FAF1: variants seen among roughly 807,000 people sequenced by gnomAD.
FAF1 encodes FAS-associated factor 1.
In FAF1, 25 loss-of-function variants were observed where a neutral mutation model predicts 92.5. That is an observed-to-expected ratio of 0.27 (90% CI 0.20 to 0.38). FAF1 has a LOEUF of 0.38. Among genes scored for constraint, FAF1 ranks in the 10% least tolerant of loss-of-function variants. FAF1 has a pLI of 1.00. For missense variants in FAF1, 636 were observed against 793.3 expected, an observed-to-expected ratio of 0.80 and a Z score of 2.38; for synonymous variants, 234 against 273.2, an observed-to-expected ratio of 0.86 and a Z score of 1.42.
intron 1 of FAF1, among the ~76,000 whole-genome samples, chr1:50,927,948 A>G (rs775919370): frequency 2.6e-5 from 4 of 152,066 alleles, no homozygotes; most frequent in Non-Finnish European, 5.9e-5. Context: ...GGATGTGTTC[A>G]TGTTGTGCAA....
Position 50,468,378 on chromosome 1 carries a change from C to T in FAF1, c.1869+7086G>A, listed in dbSNP as rs577670403. On this transcript the variant is annotated intron_variant, in intron 18 of 18. Coordinates refer to ENST00000396153, the MANE Select transcript of FAF1 (RefSeq NM_007051.3). ...TAGGATCTTGGCTCACTGCAACCTC[C>T]GCCTCCCAGGTTCAAGCAATTCTCG... Among the ~76,000 whole-genome samples, 26 of 152,022 alleles carry T rather than the reference C, an allele frequency of 1.7e-4. No homozygotes were observed. The East Asian group carries it at 2.3e-3, about 14-fold the overall frequency.
chr1:50,825,423 T>C (rs1188341099), intron 2 of FAF1, among the ~76,000 whole-genome samples: 3 of 151,930 alleles, frequency 2.0e-5, no homozygotes, highest in Admixed American at 6.6e-5. Context: ...ATACAAGACA[T>C]AGGACTTTTA....
intron 2 of FAF1, among the ~76,000 whole-genome samples, chr1:50,825,275 T>C (rs1031469760): frequency 1.3e-5 from 2 of 152,058 alleles, no homozygotes; most frequent in African/African-American, 4.8e-5. Context: ...CAAAAATATT[T>C]CTGAGACAAA....
rs1479839195 is a variant in FAF1 at position 50,850,732 on chromosome 1, TTAAAGA to T, written c.114+7191_114+7196del. Among the ~76,000 whole-genome samples the T allele has an allele frequency of 1.3e-4, 20 of 152,240 alleles. No individual in the cohort carries two copies. In the East Asian group the frequency reaches 3.5e-3, roughly 26 times the overall value. On this transcript the variant is annotated intron_variant, in intron 2 of 18. Transcript: ENST00000396153. ...ATGAACACTTTAATTAATATTTTACTTAAAGATAGAGAAGTATAACTAGAAATTTTA... is the reference window on the plus strand; with the variant it reads ...ATGAACACTTTAATTAATATTTTACTTAGAGAAGTATAACTAGAAATTTTA...
intron 2 of FAF1, among the ~76,000 whole-genome samples, chr1:50,828,309 C>G (rs1196928201): frequency 6.6e-6 from 1 of 150,790 alleles, no homozygotes; most frequent in South Asian, 2.1e-4. Flanking sequence ...CAGTCTGTCA[C>G]CCAGGCTGGA....
chr1:50,749,762 C>G (rs992123939), intron 4 of FAF1, among the ~76,000 whole-genome samples: 3 of 151,506 alleles, frequency 2.0e-5, no homozygotes, highest in African/African-American at 7.3e-5. Context: ...GCACTCTATC[C>G]TGGATGACAG....
chr1:50,462,581 T>A (rs558801647), intron 18 of FAF1, among the ~76,000 whole-genome samples: 1 of 152,294 alleles, frequency 6.6e-6, no homozygotes, highest in East Asian at 1.9e-4. Flanking sequence ...CTAGGCAGTG[T>A]GGGAAAGTGG....
At chr1:50,730,810 A>C (rs1379281236) in intron 6 of FAF1, among the ~76,000 whole-genome samples, 1 of 152,020 alleles carries the variant, frequency 6.6e-6, no homozygotes, top group Non-Finnish European at 1.5e-5. Flanking sequence ...TTTGCTCTTG[A>C]ACTTCCCTTA....
chr1:50,829,487 G>A (rs1046236633), intron 2 of FAF1, among the ~76,000 whole-genome samples: 1 of 152,168 alleles, frequency 6.6e-6, no homozygotes, highest in African/African-American at 2.4e-5. Context: ...TCTCATTAGA[G>A]TCTAACCTCA....
At chr1:50,848,875 A>G (rs1459079731) in intron 2 of FAF1, among the ~76,000 whole-genome samples, 2 of 152,212 alleles carry the variant, frequency 1.3e-5, no homozygotes, top group Non-Finnish European at 1.5e-5. Context: ...AACTAAATGT[A>G]TTGTAGACAT....
At chr1:50,745,066 T>A (rs1659535723) in intron 4 of FAF1, among the ~76,000 whole-genome samples, 1 of 152,168 alleles carries the variant, frequency 6.6e-6, no homozygotes, top group Non-Finnish European at 1.5e-5. Flanking sequence ...GGTGGGCAGA[T>A]CACCTGAGAC....
chr1:50,750,146 A>G (rs1659796546), intron 4 of FAF1, among the ~76,000 whole-genome samples: 1 of 152,054 alleles, frequency 6.6e-6, no homozygotes. Flanking sequence ...TGTCTACCTA[A>G]CTCCAAAGAT....
chr1:50,576,031 T>G (rs1650717021), intron 12 of FAF1, among the ~76,000 whole-genome samples: 1 of 152,188 alleles, frequency 6.6e-6, no homozygotes, highest in Admixed American at 6.5e-5. Context: ...GTGGTAGAAA[T>G]GTTCATGGGG....
chr1:50,563,575 G>C (rs762880656), intron 13 of FAF1, among the ~76,000 whole-genome samples: 4 of 152,040 alleles, frequency 2.6e-5, no homozygotes, highest in South Asian at 4.1e-4. Flanking sequence ...CTCCAATTTA[G>C]ATATGCAATA....
At chr1:50,457,667 T>C (rs1646370290) in intron 18 of FAF1, among the ~76,000 whole-genome samples, 1 of 140,358 alleles carries the variant, frequency 7.1e-6, no homozygotes, top group Non-Finnish European at 1.5e-5. Context: ...GCAGGCAGAC[T>C]GCTTGAGGTC....
chr1:50,645,235 G>A (rs1654527789), intron 8 of FAF1, among the ~76,000 whole-genome samples: 1 of 152,194 alleles, frequency 6.6e-6, no homozygotes, highest in Non-Finnish European at 1.5e-5. Flanking sequence ...GAATCTGTCT[G>A]CCCTAGGACA....
intron 9 of FAF1, among the ~76,000 whole-genome samples, chr1:50,586,421 C>T (rs1445869333): frequency 6.6e-6 from 1 of 152,110 alleles, no homozygotes; most frequent in Non-Finnish European, 1.5e-5. Context: ...AGATGTTTCT[C>T]ATTTGACTTA....
chr1:50,454,162 G>C lies in FAF1; in HGVS notation c.1870-12639C>G, dbSNP rs183600075. 3.5e-4 allele frequency among the ~76,000 whole-genome samples: 53 copies of C among 152,276 alleles called. 4 individuals carry two copies. The highest frequency in any genetic ancestry group is 1.3e-3 in the African/African-American group (52 of 41,558). The stretch of plus-strand genomic sequence containing the variant: ...AATCTGGGTCTAAATTTTCGAACAG[G>C]GGGTAGGGGCTTGGCCCCAACATTG... On this transcript the variant is annotated intron_variant, in intron 18 of 18. Transcript: ENST00000396153.
intron 18 of FAF1, among the ~76,000 whole-genome samples, chr1:50,457,803 T>C (rs139205440): frequency 0.011 from 1,533 of 142,318 alleles, 13 homozygotes; most frequent in Non-Finnish European, 0.017. Flanking sequence ...ACTGGGGAGG[T>C]TGAGGCTGCT....
Sources: gnomAD v4.1 joint callset for allele counts (sites outside exome capture counted in the v4.1 genomes callset) on GRCh38, gnomAD v4.1.1 for gene constraint, MANE v1.5 for transcripts, NCBI Gene and HGNC (gene_info 2026-07-23, HGNC 2026-07-21) for gene names.